Variants in REPS2 observed in about 807,000 individuals in gnomAD.
REPS2 encodes RALBP1 associated Eps domain containing 2, also known as ralBP1-associated Eps domain-containing protein 2.
A neutral mutation model predicts 53.6 loss-of-function variants in REPS2; 23 were observed. The ratio of observed to expected loss-of-function variants is 0.43; its 90% confidence interval spans 0.31 to 0.61. The LOEUF is 0.61. Ranked by LOEUF, REPS2 falls within the 20% of genes least tolerant of loss-of-function variation. The pLI, the probability that REPS2 is intolerant of heterozygous loss-of-function variation, is 0.11. For synonymous variants in REPS2, 238 were observed against 218.6 expected (o/e 1.09, Z -0.78); for missense variants, 446 against 534.9 (o/e 0.83, Z 1.64).
At chrX:16,956,146 G>T (rs1334508972) in intron 1 of REPS2, among the ~76,000 whole-genome samples, 2 of 110,072 alleles carry the variant, frequency 1.8e-5, no homozygotes, top group Non-Finnish European at 3.8e-5. Context: ...GGCCTTCTCA[G>T]CCTGGGTTAG....
the REPS2 span, among the ~76,000 whole-genome samples, chrX:17,165,452 C>G: frequency 9.0e-6 from 1 of 111,061 alleles, no homozygotes; most frequent in African/African-American, 3.3e-5. Flanking sequence ...TCTTGTTCTC[C>G]CCTTGGGCAT....
At chrX:17,097,047 C>G (rs1273360121) in intron 13 of REPS2, among the ~76,000 whole-genome samples, 1 of 111,884 alleles carries the variant, frequency 8.9e-6, no homozygotes, top group Non-Finnish European at 1.9e-5. Context: ...AATACATGTG[C>G]AGACATAGGA....
intron 14 of REPS2, 34 bp downstream of exon 14, chrX:17,103,813 G>T: frequency 1.7e-6 from 2 of 1,161,598 alleles, no homozygotes; most frequent in South Asian, 3.6e-5. Flanking sequence ...TAAACTGTTC[G>T]GTGGTAGGGA....
chrX:17,074,080 C>T, intron 11 of REPS2, 34 bp from the exon 12 acceptor site: 1 of 1,194,947 alleles, frequency 8.4e-7, no homozygotes, highest in Non-Finnish European at 1.1e-6. Flanking sequence ...TGTTTAACTG[C>T]AGAAATGAAA....
intron 6 of REPS2, among the ~76,000 whole-genome samples, chrX:17,047,713 C>T (rs776727539): frequency 8.9e-6 from 1 of 112,797 alleles, no homozygotes; most frequent in South Asian, 3.6e-4. Context: ...GCAACTTGGC[C>T]CAGACCCTGC....
At chrX:17,163,310 A>G in the REPS2 span, among the ~76,000 whole-genome samples, 1 of 112,113 alleles carries the variant, frequency 8.9e-6, no homozygotes, top group African/African-American at 3.2e-5. Context: ...TAGGAAAGAA[A>G]TTAAAAAATG....
chrX:17,109,965 C>A (rs2062937048), intron 14 of REPS2, among the ~76,000 whole-genome samples: 1 of 112,287 alleles, frequency 8.9e-6, no homozygotes, highest in Non-Finnish European at 1.9e-5. Flanking sequence ...TATTCAACAC[C>A]ATTTTAAATA....
At chrX:17,092,943 AAAATT>A (rs1354555913) in intron 13 of REPS2, among the ~76,000 whole-genome samples, 1 of 104,172 alleles carries the variant, frequency 9.6e-6, no homozygotes, top group Non-Finnish European at 2.0e-5. Context: ...GAAGATTTTT[AAAATT>A]AAATTTAATT....
intron 7 of REPS2, among the ~76,000 whole-genome samples, chrX:17,054,382 C>A (rs1372492598): frequency 8.9e-6 from 1 of 112,516 alleles, no homozygotes; most frequent in African/African-American, 3.2e-5. Flanking sequence ...AGGTAAACTG[C>A]ATAATGGCTA....
chrX:17,046,747 A>G (rs2061913764), intron 5 of REPS2, among the ~76,000 whole-genome samples: 2 of 112,004 alleles, frequency 1.8e-5, no homozygotes, highest in Non-Finnish European at 3.8e-5. Flanking sequence ...TTATTGTGGT[A>G]CCATAACAGC....
chrX:16,998,170 G>A (rs1008938920), intron 1 of REPS2, among the ~76,000 whole-genome samples: 1 of 111,895 alleles, frequency 8.9e-6, no homozygotes, highest in East Asian at 2.8e-4. Context: ...GATCACTTGA[G>A]CCTGGGAGGT....
At chrX:16,995,872 A>T (rs868854499) in intron 1 of REPS2, among the ~76,000 whole-genome samples, 1 of 111,679 alleles carries the variant, frequency 9.0e-6, no homozygotes, top group Admixed American at 9.5e-5. Flanking sequence ...CTTGGGAACA[A>T]TAAGGACCTA....
chrX:16,981,821 C>T lies in REPS2; in HGVS notation c.274-24400C>T, dbSNP rs1053660240. Among the ~76,000 whole-genome samples, 12 of 112,468 alleles carry T rather than the reference C, an allele frequency of 1.1e-4. No homozygotes were observed. The East Asian group carries it at 3.3e-3, about 31-fold the overall frequency. On this transcript the variant is annotated intron_variant, in intron 1 of 17. Coordinates refer to ENST00000357277, the MANE Select transcript of REPS2 (RefSeq NM_004726.3). ...TAATAATTTATTACTGTACAAGTCACACACCATATAAGTCACACATTTAAA... is the reference window on the plus strand; with the variant it reads ...TAATAATTTATTACTGTACAAGTCATACACCATATAAGTCACACATTTAAA...
intron 16 of REPS2, chrX:17,136,891 A>T (rs1347700589): frequency 8.9e-6 from 1 of 112,534 alleles, no homozygotes; most frequent in Non-Finnish European, 1.9e-5. Flanking sequence ...GGAATAATGA[A>T]ACGTGGTCTT....
chrX:17,147,600 A>C lies in REPS2; in HGVS notation c.*119A>C, dbSNP rs1355465359. On this transcript the variant is annotated 3_prime_UTR_variant, in exon 18 of 18. Coordinates refer to ENST00000357277, the MANE Select transcript of REPS2 (RefSeq NM_004726.3). ...CTGTGTCAAAAGCTGTGAGCAGCAA[A>C]ATATAATCCATATGACCTTTTCTCT... is the stretch of plus-strand genomic sequence containing the variant. 9.7e-6 allele frequency: 5 copies of C among 513,511 alleles called. No homozygotes were observed. In the South Asian group the frequency reaches 2.1e-4, roughly 21 times the overall value. The allele number at this position is 513,511 out of a possible 1,213,427, so 42.3% of individuals were successfully genotyped here.
intron 1 of REPS2, among the ~76,000 whole-genome samples, chrX:16,975,711 A>G (rs1228282138): frequency 8.9e-6 from 1 of 111,941 alleles, no homozygotes; most frequent in Non-Finnish European, 1.9e-5. Context: ...AGTGATCAAT[A>G]CTGTGAAGCC....
intron 1 of REPS2, among the ~76,000 whole-genome samples, chrX:16,989,642 C>G (rs1230692946): frequency 8.9e-6 from 1 of 112,219 alleles, no homozygotes; most frequent in Non-Finnish European, 1.9e-5. Context: ...GGACATTTCA[C>G]TGAAGAGCAT....
In REPS2 at chrX:17,147,697, T is replaced by G. The variant is rs2063530634; in HGVS notation, c.*216T>G. The G allele has an allele frequency of 3.3e-6, 1 of 307,451 alleles. No individual in the cohort carries two copies. Among genetic ancestry groups the G allele is most frequent in the South Asian group, 1.4e-4 (1 of 7,359 alleles). 25.3% of individuals were successfully genotyped at this position (307,451 alleles called of 1,213,427 possible). A position where few individuals can be genotyped will look rare whatever the true frequency, so the allele number is the denominator to read the frequency against. On this transcript the variant is annotated 3_prime_UTR_variant, in exon 18 of 18. Coordinates refer to ENST00000357277, the MANE Select transcript of REPS2 (RefSeq NM_004726.3). ...TGATTATCACACTTGAAATGCTAAT[T>G]ATCAGTGGAATTTGTCTCCTATTCT... is the stretch of plus-strand genomic sequence containing the variant.
At chrX:17,075,619 A>G (rs991588973) in intron 12 of REPS2, among the ~76,000 whole-genome samples, 3 of 112,331 alleles carry the variant, frequency 2.7e-5, no homozygotes, top group Non-Finnish European at 5.6e-5. Flanking sequence ...CTGCACATTT[A>G]TGTTTTAATT....
Sources: gnomAD v4.1 joint callset for allele counts (sites outside exome capture counted in the v4.1 genomes callset) on GRCh38, gnomAD v4.1.1 for gene constraint, MANE v1.5 for transcripts, NCBI Gene and HGNC (gene_info 2026-07-23, HGNC 2026-07-21) for gene names.